UEVLD: variants seen among roughly 807,000 people sequenced by gnomAD.
UEVLD encodes UEV and lactate/malate dehyrogenase domains.
Under a neutral mutation model 58.6 loss-of-function variants are expected in UEVLD, and 47 were observed. That is an observed-to-expected ratio of 0.80 (90% CI 0.63 to 1.02). UEVLD has a LOEUF of 1.02. Ranked by LOEUF, UEVLD falls within the 50% of genes least tolerant of loss-of-function variation. The probability of loss-of-function intolerance (pLI) is 0.00; values close to 1 mark genes in which losing one functional copy is unlikely to be tolerated. For missense variants in UEVLD, 510 were observed against 550.6 expected (o/e 0.93, Z 0.74); for synonymous variants, 197 against 195.3 (o/e 1.01, Z -0.07).
At position 18,535,634 on chromosome 11, in the gene UEVLD, T is replaced by A. The variant is rs146668847; in HGVS notation, c.1124+772A>T. ...AACAACAAATGCCATGAGTATAAAT[T>A]CTGTGTAGAGTCCTGCCTATGCGGT... On this transcript the variant is annotated intron_variant, in intron 10 of 11. Transcript: ENST00000396197. Among the ~76,000 whole-genome samples the A allele has an allele frequency of 7.1e-4, 108 of 152,260 alleles. No individual in the cohort carries two copies. In the East Asian group the frequency reaches 0.019, roughly 26 times the overall value.
rs952330135 is a variant in UEVLD, at chr11:18,545,074, A to T, written c.887-278T>A. Among the ~76,000 whole-genome samples, 483 of 84,550 alleles carry T rather than the reference A, an allele frequency of 5.7e-3. 13 individuals carry two copies. Among genetic ancestry groups the T allele is most frequent in the Middle Eastern group, 0.024 (4 of 168 alleles). 55.5% of individuals were successfully genotyped at this position (84,550 alleles called of 152,430 possible). A position where few individuals can be genotyped will look rare whatever the true frequency, so the allele number is the denominator to read the frequency against. On this transcript the variant is annotated intron_variant, in intron 8 of 11. Transcript: ENST00000396197. ...TATCTATATCTATATCTATATCTAT[A>T]TTTTTTTTTTTTTTTTGAGATGGAG...
intron 9 of UEVLD, among the ~76,000 whole-genome samples, chr11:18,543,039 C>T (rs12794725): frequency 0.053 from 8,110 of 151,904 alleles, 237 homozygotes; most frequent in Non-Finnish European, 0.065. Flanking sequence ...ACTACAGGCA[C>T]GTGCTGCCAT....
chr11:18,575,952 T>A (rs1407789366), intron 2 of UEVLD, among the ~76,000 whole-genome samples: 1 of 152,168 alleles, frequency 6.6e-6, no homozygotes, highest in Admixed American at 6.5e-5. Context: ...CTTTTCCCAT[T>A]TTCATTAGCC....
At chr11:18,582,699 G>T (rs542796298) in intron 1 of UEVLD, among the ~76,000 whole-genome samples, 26 of 152,024 alleles carry the variant, frequency 1.7e-4, no homozygotes, top group African/African-American at 6.0e-4. Flanking sequence ...TTCCATACTG[G>T]TCCTCACCAC....
At chr11:18,578,358 CATT>C (rs1235320659) in intron 2 of UEVLD, among the ~76,000 whole-genome samples, 2 of 152,184 alleles carry the variant, frequency 1.3e-5, no homozygotes, top group African/African-American at 4.8e-5. Flanking sequence ...GGCAAGGAAA[CATT>C]ATCTCCCAGA....
intron 9 of UEVLD, among the ~76,000 whole-genome samples, chr11:18,537,958 G>A (rs918035410): frequency 2.0e-5 from 3 of 152,180 alleles, no homozygotes; most frequent in African/African-American, 4.8e-5. Context: ...CCACTGAGCC[G>A]AACTGCACTT....
chr11:18,566,392 C>A lies in UEVLD; in HGVS notation c.448G>T (p.Ala150Ser), dbSNP rs1852301866. The A allele has an allele frequency of 6.2e-7, 1 of 1,613,974 alleles. No homozygotes were observed. The highest frequency in any genetic ancestry group is 1.3e-5 in the African/African-American group (1 of 74,920). ...PMYSLSSSDE[A>S]RQVDLLAYIA... ...TAGGCTAGCAAGTCTACCTGCCGTG[C>A]CTCATCAGATGATGATAGAGAATAC... Residue 150 changes from alanine to serine, a missense_variant, in exon 5 of 12, where the codon GCA (alanine) becomes TCA (serine). Ala to Ser is a moderately conservative substitution (Grantham distance 99). Transcript: ENST00000396197.
chr11:18,533,196 T>C (rs535361954), intron 11 of UEVLD, among the ~76,000 whole-genome samples: 11 of 151,970 alleles, frequency 7.2e-5, no homozygotes, highest in African/African-American at 2.7e-4. Flanking sequence ...CCCAGCTTCT[T>C]CTAGCTGTTT....
chr11:18,550,899 A>G (rs1565118092), intron 7 of UEVLD, among the ~76,000 whole-genome samples: 1 of 152,184 alleles, frequency 6.6e-6, no homozygotes, highest in African/African-American at 2.4e-5. Flanking sequence ...ACTTAAATAT[A>G]TAAGGGGAAA....
chr11:18,581,780 G>A (rs1199552562), intron 1 of UEVLD, among the ~76,000 whole-genome samples: 1 of 152,136 alleles, frequency 6.6e-6, no homozygotes, highest in Non-Finnish European at 1.5e-5. Flanking sequence ...TTGAGAGCAG[G>A]AATCGTCTTT....
intron 7 of UEVLD, among the ~76,000 whole-genome samples, chr11:18,554,431 T>C (rs1434362059): frequency 7.4e-6 from 1 of 135,048 alleles, no homozygotes; most frequent in Non-Finnish European, 1.6e-5. Context: ...GTTTTTACTC[T>C]TGTTGCCCAG....
In UEVLD at chr11:18,563,103, C is replaced by CAA. The variant is rs111514140; in HGVS notation, c.612+1787_612+1788dup. On this transcript the variant is annotated intron_variant, in intron 6 of 11. Transcript: ENST00000396197. ...CTTTCAGATGCCTTCTTGTGCTTAC[C>CAA]AAAAAAAAAAAAAGACAAATAATTA... Among the ~76,000 whole-genome samples the CAA allele has an allele frequency of 7.9e-4, 95 of 119,940 alleles. 1 individual carries two copies. In the East Asian group the frequency reaches 0.019, roughly 24 times the overall value. The allele number at this position is 119,940 out of a possible 152,430, so 78.7% of individuals were successfully genotyped here.
At chr11:18,559,789 G>A (rs1322227003) in intron 6 of UEVLD, among the ~76,000 whole-genome samples, 2 of 152,074 alleles carry the variant, frequency 1.3e-5, no homozygotes, top group Admixed American at 1.3e-4. Flanking sequence ...AAATAGGGCG[G>A]CACAGTGGGC....
At position 18,564,583 on chromosome 11, in the gene UEVLD, G is replaced by A. The variant is rs111906655; in HGVS notation, c.612+309C>T. ...AAGAGCTAAAATTACTACATTAAAT[G>A]AGTTTAATTAAAGTGGCATGATTCA... On this transcript the variant is annotated intron_variant, in intron 6 of 11. Transcript: ENST00000396197. Among the ~76,000 whole-genome samples the A allele has an allele frequency of 7.4e-3, 1,118 of 150,650 alleles. 12 individuals carry two copies. Among genetic ancestry groups the A allele is most frequent in the African/African-American group, 0.026 (1,067 of 41,130 alleles).
At position 18,544,842 on chromosome 11, in the gene UEVLD, A is replaced by G. The variant is rs754146768; in HGVS notation, c.887-46T>C. The G allele has an allele frequency of 2.8e-6, 4 of 1,405,028 alleles. No individual in the cohort carries two copies. The African/African-American group carries it at 6.0e-5, about 21-fold the overall frequency. 87.0% of individuals were successfully genotyped at this position (1,405,028 alleles called of 1,614,324 possible). The stretch of plus-strand genomic sequence containing the variant: ...AAAAAATGTAAAGGTTAAAAAATAT[A>G]TACTTCTAGCCTAGCTCACAAATAT... On this transcript the variant is annotated intron_variant, in intron 8 of 11. Coordinates refer to ENST00000396197, the MANE Select transcript of UEVLD (RefSeq NM_001040697.4).
In UEVLD at chr11:18,566,347, C is replaced by T. The variant is rs144529318; in HGVS notation, c.493G>A (p.Gly165Ser). Residue 165 changes from glycine to serine, a missense_variant and splice_region_variant, in exon 5 of 12, where the codon GGT becomes AGT. Physicochemically the swap from Gly to Ser is moderately conservative, Grantham distance 56. Transcript: ENST00000396197. The part of the protein sequence containing the change: ...LLAYIAKITE[G>S]VSDTNSKSWA... ...TAATCTGCCTGACAAATATACAAAC[C>T]TTCAGTGATTTTTGCAATATAGGCT... The T allele has an allele frequency of 1.3e-4, 204 of 1,613,712 alleles. 1 individual carries two copies. The highest frequency in any genetic ancestry group is 2.5e-5 in the Non-Finnish European group (30 of 1,180,010).
rs550932439 is a variant in UEVLD, at chr11:18,563,326, C to T, written c.612+1566G>A. Among the ~76,000 whole-genome samples, 7 of 152,248 alleles carry T rather than the reference C, an allele frequency of 4.6e-5. No individual in the cohort carries two copies. The South Asian group carries it at 1.5e-3, about 32-fold the overall frequency. On this transcript the variant is annotated intron_variant, in intron 6 of 11. Transcript: ENST00000396197. ...TACAACCAGGCCGGGTGCAGTGGGGCATGCTTGTACTCCCAGCACTTTGGG... is the reference window on the plus strand; with the variant it reads ...TACAACCAGGCCGGGTGCAGTGGGGTATGCTTGTACTCCCAGCACTTTGGG...
chr11:18,553,258 G>A (rs931406976), intron 7 of UEVLD, among the ~76,000 whole-genome samples: 5 of 151,350 alleles, frequency 3.3e-5, no homozygotes, highest in Middle Eastern at 6.8e-3. Context: ...CCCAGGAAGC[G>A]GAGGTTGCAG....
chr11:18,544,636 T>C lies in UEVLD; in HGVS notation c.1047A>G (p.Gln349=). The stretch of plus-strand genomic sequence containing the variant: ...CGTACTTCTTACCTTTGTCTTCTCC[T>C]TGCTCGCCAATAACCCATACTTCTT... ...SGKEVWVIGE[Q]GEDKVLTWSG... The change falls in exon 9 of 12, where the codon CAA becomes CAG. Residue 349 remains glutamine (Q), a synonymous_variant. Transcript: ENST00000396197. 1.3e-6 allele frequency: 2 copies of C among 1,594,152 alleles called. No homozygotes were observed. Among genetic ancestry groups the C allele is most frequent in the Non-Finnish European group, 1.7e-6 (2 of 1,173,298 alleles).
Sources: allele counts gnomAD v4.1 joint callset (sites outside exome capture counted in the v4.1 genomes callset), GRCh38; gene constraint gnomAD v4.1.1; transcripts MANE v1.5; gene names NCBI Gene and HGNC (gene_info 2026-07-23, HGNC 2026-07-21).